The following SMCHD1 variants were observed in gnomAD, a reference collection of about 807,000 sequenced individuals.
The protein encoded by SMCHD1 is structural maintenance of chromosomes flexible hinge domain containing 1.
Under a neutral mutation model 254.7 loss-of-function variants are expected in SMCHD1, and 78 were observed. That is an observed-to-expected ratio of 0.31 (90% CI 0.26 to 0.37). The LOEUF is 0.37. SMCHD1 is among the 10% of genes least tolerant of loss of function. The pLI is 1.00. For synonymous variants in SMCHD1, 766 were observed against 794.9 expected, an observed-to-expected ratio of 0.96 and a Z score of 0.61; for missense variants, 1,840 against 2,408.1, an observed-to-expected ratio of 0.76 and a Z score of 4.94.
At position 2,688,424 on chromosome 18, in the gene SMCHD1, A is replaced by G. The variant is rs1354518426; in HGVS notation, c.669A>G (p.Pro223=). The G allele has an allele frequency of 6.2e-7, 1 of 1,613,668 alleles. No individual in the cohort carries two copies. Among genetic ancestry groups the G allele is most frequent in the Admixed American group, 1.7e-5 (1 of 60,032 alleles). The change falls in exon 6 of 48, where the codon CCA becomes CCG. Residue 223 remains proline, a synonymous_variant. Transcript: ENST00000320876. ...SDHSGYVRPV[P]VPRSLNSDIS... Reference sequence around the variant, plus strand: ...ATTCAGGATATGTTCGTCCAGTACCAGTGCCACGCAGTTTAAATAGTGATA... The same window carrying G: ...ATTCAGGATATGTTCGTCCAGTACCGGTGCCACGCAGTTTAAATAGTGATA...
chr18:2,770,163 G>GT, intron 39 of SMCHD1, 55 bp downstream of exon 39: 1 of 1,543,492 alleles, frequency 6.5e-7, no homozygotes, highest in Non-Finnish European at 8.7e-7. Context: ...GATGAGGCAG[G>GT]TGAGATCGTG....
At chr18:2,695,737 T>C (rs753503189) in intron 8 of SMCHD1, among the ~76,000 whole-genome samples, 1 of 152,240 alleles carries the variant, frequency 6.6e-6, no homozygotes, top group Non-Finnish European at 1.5e-5. Context: ...TTTAAAAATG[T>C]ATCTTTTTAC....
Position 2,718,507 on chromosome 18 carries a change from A to T in SMCHD1, c.2458+73A>T. The T allele has an allele frequency of 7.7e-7, 1 of 1,297,652 alleles. No homozygotes were observed. Among genetic ancestry groups the T allele is most frequent in the Non-Finnish European group, 1.1e-6 (1 of 944,756 alleles). 80.4% of individuals were successfully genotyped at this position (1,297,652 alleles called of 1,614,324 possible). A position where few individuals can be genotyped will look rare whatever the true frequency, so the allele number is the denominator to read the frequency against. ...TAAATCCAAAGAGAAAAGAGAGATA[A>T]GCCATTAAAAGATGTTTGAACAATT... On this transcript the variant is annotated intron_variant, in intron 19 of 47. Transcript: ENST00000320876. This position sits in a 1 kb window ranked among gnomAD's most constrained non-coding sequence, Gnocchi z 4.6.
At position 2,748,378 on chromosome 18, in the gene SMCHD1, GTGTGTA is replaced by G. The variant is rs1323183962; in HGVS notation, c.3927+733_3927+738del. On this transcript the variant is annotated intron_variant, in intron 30 of 47. Coordinates refer to ENST00000320876, the MANE Select transcript of SMCHD1 (RefSeq NM_015295.3). The stretch of plus-strand genomic sequence containing the variant: ...TGTGTGTGTGTGTGTGTGTGTGTGT[GTGTGTA>G]TATAAATTTTTTTTTTTTTTTTTTT... Among the ~76,000 whole-genome samples the G allele has an allele frequency of 2.2e-3, 125 of 55,856 alleles. 11 individuals carry two copies. Among genetic ancestry groups the G allele is most frequent in the Middle Eastern group, 7.1e-3 (1 of 140 alleles). The allele number at this position is 55,856 out of a possible 152,430, so 36.6% of individuals were successfully genotyped here. A position where few individuals can be genotyped will look rare whatever the true frequency, so the allele number is the denominator to read the frequency against.
chr18:2,658,755 A>G (rs1328491710), intron 1 of SMCHD1, among the ~76,000 whole-genome samples: 1 of 152,088 alleles, frequency 6.6e-6, no homozygotes, highest in Non-Finnish European at 1.5e-5. Context: ...CATGGTCAAC[A>G]AGCAGTGAAA....
At chr18:2,782,466 ATGATGGC>A (rs2076170994) in intron 44 of SMCHD1, among the ~76,000 whole-genome samples, 1 of 152,108 alleles carries the variant, frequency 6.6e-6, no homozygotes, top group Admixed American at 6.6e-5. Context: ...TAGGCTGAGC[ATGATGGC>A]TCATGCCTGT....
At chr18:2,660,415 AAGAT>A (rs1475657072) in intron 1 of SMCHD1, among the ~76,000 whole-genome samples, 15 of 152,068 alleles carry the variant, frequency 9.9e-5, no homozygotes, top group East Asian at 1.9e-4. Flanking sequence ...GGAAAACAAA[AAGAT>A]AGTTTATGTG....
intron 1 of SMCHD1, among the ~76,000 whole-genome samples, chr18:2,657,328 G>A (rs1204744046): frequency 6.6e-6 from 1 of 152,196 alleles, no homozygotes; most frequent in Non-Finnish European, 1.5e-5. Flanking sequence ...TAAATGCCCA[G>A]ATTAGAATGG....
At chr18:2,773,184 C>T (rs1022044144) in intron 41 of SMCHD1, among the ~76,000 whole-genome samples, 4 of 151,952 alleles carry the variant, frequency 2.6e-5, no homozygotes, top group African/African-American at 9.7e-5. Context: ...ACCTCAGATC[C>T]GCAAACTGAA....
At chr18:2,708,012 A>G (rs1016465780) in intron 17 of SMCHD1, 92 bp downstream of exon 17, 4 of 719,458 alleles carry the variant, frequency 5.6e-6, no homozygotes, top group African/African-American at 3.6e-5. Flanking sequence ...TGACCTAGCA[A>G]TCTGATAGGC....
chr18:2,689,870 A>G (rs1347890510), intron 7 of SMCHD1, among the ~76,000 whole-genome samples: 8 of 150,138 alleles, frequency 5.3e-5, no homozygotes, highest in African/African-American at 1.7e-4. Flanking sequence ...AAAAAAAAAA[A>G]AAAAAAAGCC....
intron 1 of SMCHD1, among the ~76,000 whole-genome samples, chr18:2,657,951 T>G (rs891225000): frequency 9.4e-5 from 13 of 138,994 alleles, no homozygotes; most frequent in African/African-American, 1.8e-4. Context: ...CCCAGCTATG[T>G]TTTTTTTTTT....
chr18:2,729,082 TA>T (rs1452804472), intron 23 of SMCHD1, among the ~76,000 whole-genome samples, 192 bp from the exon 24 acceptor site: 1 of 152,160 alleles, frequency 6.6e-6, no homozygotes, highest in Non-Finnish European at 1.5e-5. Context: ...CCAAAACAGA[TA>T]AATTTTACAT....
chr18:2,796,808 C>T, intron 47 of SMCHD1: 1 of 309,092 alleles, frequency 3.2e-6, no homozygotes, highest in Non-Finnish European at 6.0e-6. Context: ...ATCTCAAACT[C>T]CTGACCTCAA....
At chr18:2,662,958 C>A (rs1213087086) in intron 1 of SMCHD1, among the ~76,000 whole-genome samples, 1 of 152,046 alleles carries the variant, frequency 6.6e-6, no homozygotes, top group Non-Finnish European at 1.5e-5. Flanking sequence ...TGTAAGGTAC[C>A]TATTTCTCTG....
At chr18:2,770,141 G>A (rs746833394) in intron 39 of SMCHD1, 33 bp downstream of exon 39, 1 of 1,587,050 alleles carries the variant, frequency 6.3e-7, no homozygotes, top group South Asian at 1.2e-5. Context: ...CAAAAATTAT[G>A]CTTTGGGGAA....
At chr18:2,743,259 A>C (rs1203931542) in intron 28 of SMCHD1, among the ~76,000 whole-genome samples, 1 of 152,226 alleles carries the variant, frequency 6.6e-6, no homozygotes, top group Non-Finnish European at 1.5e-5. Flanking sequence ...TGTGGAAATC[A>C]TCTTGTCATG....
At chr18:2,662,586 A>G (rs1007387427) in intron 1 of SMCHD1, among the ~76,000 whole-genome samples, 3 of 147,652 alleles carry the variant, frequency 2.0e-5, no homozygotes, top group African/African-American at 5.0e-5. Context: ...CGGAGCTTGC[A>G]GTGAGCTGAG....
intron 8 of SMCHD1, among the ~76,000 whole-genome samples, chr18:2,696,435 A>G (rs925334044): frequency 2.0e-5 from 3 of 152,124 alleles, no homozygotes; most frequent in Non-Finnish European, 2.9e-5. Context: ...TGTGCATGTG[A>G]GATATTGCGT....
Sources: gnomAD v4.1 joint callset for allele counts (sites outside exome capture counted in the v4.1 genomes callset) on GRCh38, gnomAD v4.1.1 for gene constraint, Gnocchi (gnomAD v3.1) non-coding constraint, MANE v1.5 for transcripts, NCBI Gene and HGNC (gene_info 2026-07-23, HGNC 2026-07-21) for gene names.